The following SFMBT1 variants were observed in gnomAD, a reference collection of about 807,000 sequenced individuals.
SFMBT1 encodes the protein scm-like with four MBT domains protein 1.
SFMBT1 carries 32 observed loss-of-function variants against 108.7 expected under a neutral mutation model. The ratio of observed to expected loss-of-function variants is 0.29; its 90% CI spans 0.22 to 0.40. The LOEUF is 0.40. Ranked by LOEUF, SFMBT1 falls within the 10% of genes least tolerant of loss-of-function variation. SFMBT1 has a pLI of 1.00. For missense variants in SFMBT1, 816 were observed against 1,059.6 expected (o/e 0.77, Z 3.19); for synonymous variants, 348 against 369.5 (o/e 0.94, Z 0.67).
intron 1 of SFMBT1, among the ~76,000 whole-genome samples, chr3:53,030,437 G>A (rs965445837): frequency 2.6e-5 from 4 of 152,050 alleles, no homozygotes; most frequent in Admixed American, 1.3e-4. Context: ...TACTATGTAT[G>A]TGTATCCCTG....
At chr3:53,014,056 C>A (rs566469920) in intron 1 of SFMBT1, among the ~76,000 whole-genome samples, 2 of 152,272 alleles carry the variant, frequency 1.3e-5, no homozygotes, top group East Asian at 3.9e-4. Flanking sequence ...GAAATATTCC[C>A]ATTTTAAAGG....
intron 3 of SFMBT1, among the ~76,000 whole-genome samples, chr3:52,948,353 A>G (rs1703446428): frequency 6.6e-6 from 1 of 152,074 alleles, no homozygotes; most frequent in Non-Finnish European, 1.5e-5. Context: ...TAGTACAGCA[A>G]GTCTTCTCAT....
intron 4 of SFMBT1, among the ~76,000 whole-genome samples, chr3:52,935,658 C>A (rs575785499): frequency 6.6e-6 from 1 of 152,168 alleles, no homozygotes; most frequent in Non-Finnish European, 1.5e-5. Flanking sequence ...CAACATCATA[C>A]CTTTAAAAAA....
At chr3:52,934,937 G>C (rs768780756) in intron 4 of SFMBT1, 36 bp from the exon 5 acceptor site, 1 of 1,561,844 alleles carries the variant, frequency 6.4e-7, no homozygotes. Context: ...TACTCAAAAT[G>C]CCAGCCACAG....
At chr3:52,936,216 T>A (rs1216073727) in intron 4 of SFMBT1, among the ~76,000 whole-genome samples, 1 of 152,222 alleles carries the variant, frequency 6.6e-6, no homozygotes, top group Non-Finnish European at 1.5e-5. Flanking sequence ...TATTATTCCT[T>A]CTTCATTTAC....
chr3:52,920,153 T>C (rs73839535), intron 12 of SFMBT1, among the ~76,000 whole-genome samples: 17,140 of 152,278 alleles, frequency 0.11, 1,001 homozygotes, highest in Non-Finnish European at 0.13. Flanking sequence ...GATAAATTTC[T>C]GTTATTTATA....
chr3:52,905,373 A>G, intron 20 of SFMBT1, 97 bp from the exon 21 acceptor site: 1 of 1,257,690 alleles, frequency 8.0e-7, no homozygotes, highest in Non-Finnish European at 1.1e-6. Flanking sequence ...CAAAACTGGA[A>G]TCCCTATGCT....
At chr3:52,976,477 A>G (rs568805308) in intron 1 of SFMBT1, among the ~76,000 whole-genome samples, 1 of 152,328 alleles carries the variant, frequency 6.6e-6, no homozygotes, top group African/African-American at 2.4e-5. Context: ...ACATAAATAA[A>G]TTCCAAGTGA....
chr3:52,945,242 G>A (rs2106818454), intron 3 of SFMBT1, among the ~76,000 whole-genome samples: 1 of 151,108 alleles, frequency 6.6e-6, no homozygotes, highest in Admixed American at 6.6e-5. Flanking sequence ...AGAAAGTAAG[G>A]AAATGATCAA....
At chr3:52,938,300 T>C (rs1049398452) in intron 4 of SFMBT1, among the ~76,000 whole-genome samples, 38 of 152,246 alleles carry the variant, frequency 2.5e-4, no homozygotes, top group African/African-American at 8.9e-4. Flanking sequence ...ATTATTAATA[T>C]GCATGGCCTA....
intron 4 of SFMBT1, among the ~76,000 whole-genome samples, chr3:52,939,900 CCT>C (rs1703129339): frequency 2.0e-5 from 3 of 151,774 alleles, no homozygotes. Flanking sequence ...TCAAATCTTC[CCT>C]TTTTTAATCC....
intron 1 of SFMBT1, among the ~76,000 whole-genome samples, chr3:52,980,510 AT>A (rs1372983230): frequency 2.6e-5 from 4 of 152,198 alleles, no homozygotes; most frequent in Non-Finnish European, 5.9e-5. Context: ...ACCGCTAGAG[AT>A]GCTGGACGTG....
chr3:53,029,927 AC>A (rs1250302014), intron 1 of SFMBT1, among the ~76,000 whole-genome samples: 3 of 151,814 alleles, frequency 2.0e-5, no homozygotes, highest in Non-Finnish European at 4.4e-5. Context: ...AGAACAGTCT[AC>A]CCCCACAAAT....
chr3:53,045,582 G>C (rs1408052452), intron 1 of SFMBT1, among the ~76,000 whole-genome samples: 2 of 142,088 alleles, frequency 1.4e-5, no homozygotes, highest in South Asian at 4.3e-4. Flanking sequence ...GCGCGGGACC[G>C]CGGGGCCGCG....
rs1399988066 is a variant in SFMBT1, at chr3:52,996,813, TAA to T, written c.-130-27557_-130-27556del. 2.0e-5 allele frequency among the ~76,000 whole-genome samples: 3 copies of T among 150,376 alleles called. 1 individual carries two copies. Among genetic ancestry groups the T allele is most frequent in the Non-Finnish European group, 4.5e-5 (3 of 67,124 alleles). On this transcript the variant is annotated intron_variant, in intron 1 of 20. Coordinates refer to ENST00000394752, the MANE Select transcript of SFMBT1 (RefSeq NM_016329.4). ...GGCCGGGCACGGTGGCTCACGCCTG[TAA>T]TCCCAGCACTTTGGGAGGCAGAGAT...
At chr3:53,024,139 G>A (rs972428376) in intron 1 of SFMBT1, among the ~76,000 whole-genome samples, 2 of 152,170 alleles carry the variant, frequency 1.3e-5, no homozygotes, top group African/African-American at 2.4e-5. Context: ...TTAATCAGGG[G>A]CAGGGATATG....
intron 1 of SFMBT1, among the ~76,000 whole-genome samples, chr3:53,033,769 CAA>C (rs538122738): frequency 2.1e-4 from 23 of 107,382 alleles, no homozygotes; most frequent in South Asian, 2.8e-4. Flanking sequence ...CCAAAAAAGA[CAA>C]AAAAAAAAAA....
chr3:53,005,383 C>T (rs1454771308), intron 1 of SFMBT1, among the ~76,000 whole-genome samples: 1 of 152,214 alleles, frequency 6.6e-6, no homozygotes, highest in African/African-American at 2.4e-5. Flanking sequence ...AATCATAGCT[C>T]ACTACAGCCT....
At chr3:53,022,189 C>G (rs1699333769) in intron 1 of SFMBT1, among the ~76,000 whole-genome samples, 1 of 152,152 alleles carries the variant, frequency 6.6e-6, no homozygotes, top group African/African-American at 2.4e-5. Context: ...GTGGTTCACA[C>G]CTGTAATCCC....
Sources: allele counts gnomAD v4.1 joint callset (sites outside exome capture counted in the v4.1 genomes callset), GRCh38; gene constraint gnomAD v4.1.1; transcripts MANE v1.5; gene names NCBI Gene and HGNC (gene_info 2026-07-23, HGNC 2026-07-21).